The following CHLSN variants were observed in gnomAD, a reference collection of about 807,000 sequenced individuals.
CHLSN encodes cholesin.
chr7:1,083,367 G>T, the CHLSN span, among the ~76,000 whole-genome samples: 1 of 152,220 alleles, frequency 6.6e-6, no homozygotes, highest in Non-Finnish European at 1.5e-5. Context: ...GCTCAAGCCT[G>T]TAATCCCAGC....
chr7:980,175 CA>C, the CHLSN span, among the ~76,000 whole-genome samples: 2 of 152,354 alleles, frequency 1.3e-5, no homozygotes, highest in African/African-American at 4.8e-5. Flanking sequence ...AGTTTGGAAC[CA>C]GGTCTGTCTG....
the CHLSN span, among the ~76,000 whole-genome samples, chr7:1,046,544 AG>A: frequency 1.3e-5 from 2 of 152,202 alleles, no homozygotes; most frequent in Non-Finnish European, 1.5e-5. Context: ...CAGGTAGCCA[AG>A]AGGACAGGGA....
At chr7:1,054,016 G>T in the CHLSN span, among the ~76,000 whole-genome samples, 1 of 152,194 alleles carries the variant, frequency 6.6e-6, no homozygotes, top group Admixed American at 6.5e-5. Flanking sequence ...GGCCGAGGAA[G>T]GGGTTTCCTC....
the CHLSN span, among the ~76,000 whole-genome samples, chr7:1,023,874 T>C: frequency 6.6e-6 from 1 of 152,154 alleles, no homozygotes; most frequent in Non-Finnish European, 1.5e-5. The surrounding 1 kb of genome is among the most constrained non-coding windows in gnomAD (Gnocchi z 5.0). Context: ...ACGGTCTTGC[T>C]CTGTGGCCCA....
the CHLSN span, among the ~76,000 whole-genome samples, chr7:1,008,640 C>T: frequency 6.6e-6 from 1 of 152,170 alleles, no homozygotes; most frequent in African/African-American, 2.4e-5. Flanking sequence ...TTGCCCCCAT[C>T]CCCATTTCCT....
chr7:986,405 A>C, the CHLSN span: 2 of 592,968 alleles, frequency 3.4e-6, no homozygotes, highest in East Asian at 3.0e-5. Flanking sequence ...TGCTGTGCAA[A>C]CCTGCCTGGC....
the CHLSN span, among the ~76,000 whole-genome samples, chr7:1,060,659 G>C: frequency 6.6e-6 from 1 of 152,232 alleles, no homozygotes; most frequent in Non-Finnish European, 1.5e-5. Flanking sequence ...CTCCTGCGGG[G>C]AGCTCAGACC....
At chr7:984,474 G>C in the CHLSN span, 2 of 1,551,572 alleles carry the variant, frequency 1.3e-6, no homozygotes, top group South Asian at 1.2e-5. Context: ...CGGTGGTGCT[G>C]ACGGGGTTCG....
chr7:1,016,811 A>G, the CHLSN span, among the ~76,000 whole-genome samples: 196 of 75,232 alleles, frequency 2.6e-3, 1 homozygote, highest in East Asian at 0.019. Context: ...AGCAGCACAC[A>G]CCAGCGCACA....
the CHLSN span, among the ~76,000 whole-genome samples, chr7:1,011,531 G>A: frequency 1.2e-4 from 16 of 136,164 alleles, no homozygotes; most frequent in African/African-American, 4.7e-4. Flanking sequence ...CCAGACACCT[G>A]CAGACACCCA....
At chr7:1,082,600 G>T in the CHLSN span, among the ~76,000 whole-genome samples, 2 of 152,238 alleles carry the variant, frequency 1.3e-5, no homozygotes, top group Non-Finnish European at 2.9e-5. Flanking sequence ...CCAGGCCACC[G>T]ATGGGCAGAG....
At chr7:1,037,578 G>A in the CHLSN span, among the ~76,000 whole-genome samples, 24 of 146,210 alleles carry the variant, frequency 1.6e-4, 1 homozygote, top group East Asian at 2.5e-3. Context: ...GTGCAGTGGC[G>A]TGAATCTCGG....
chr7:989,083 G>A, the CHLSN span: 62 of 444,226 alleles, frequency 1.4e-4, no homozygotes, highest in Non-Finnish European at 2.1e-4. Flanking sequence ...CCAGGGCCCC[G>A]CCCACTCTCC....
At chr7:1,010,207 T>G in the CHLSN span, 2 of 1,475,850 alleles carry the variant, frequency 1.4e-6, no homozygotes, top group East Asian at 2.3e-5. Context: ...GTGCGCTGCC[T>G]GGGGCTTCCC....
chr7:1,058,815 T>A, the CHLSN span: 1 of 417,816 alleles, frequency 2.4e-6, no homozygotes, highest in African/African-American at 2.0e-5. Context: ...AGTTTGTCAA[T>A]GAAGTGATGA....
the CHLSN span, among the ~76,000 whole-genome samples, chr7:1,134,271 T>C: frequency 3.5e-5 from 5 of 144,462 alleles, no homozygotes; most frequent in African/African-American, 1.1e-4. Flanking sequence ...AGAGACTGTC[T>C]CTTAAAAGGG....
At chr7:1,049,024 C>T in the CHLSN span, among the ~76,000 whole-genome samples, 1,360 of 152,158 alleles carry the variant, frequency 8.9e-3, 19 homozygotes, top group African/African-American at 0.031. Context: ...TCTGAGCGTG[C>T]GCTCCCCAGG....
chr7:1,005,365 C>A, the CHLSN span, among the ~76,000 whole-genome samples: 1 of 152,230 alleles, frequency 6.6e-6, no homozygotes, highest in Non-Finnish European at 1.5e-5. Context: ...GAGCGAGGGT[C>A]TCTATTGAGA....
the CHLSN span, among the ~76,000 whole-genome samples, chr7:1,104,503 A>G: frequency 1.3e-5 from 2 of 152,250 alleles, no homozygotes; most frequent in Non-Finnish European, 2.9e-5. Flanking sequence ...CCCGCATGTC[A>G]GTACTGCAGC....
Sources: gnomAD v4.1 joint callset for allele counts (sites outside exome capture counted in the v4.1 genomes callset) on GRCh38, gnomAD v4.1.1 for gene constraint, Gnocchi (gnomAD v3.1) non-coding constraint, MANE v1.5 for transcripts, NCBI Gene and HGNC (gene_info 2026-07-23, HGNC 2026-07-21) for gene names.